The following TPT1 variants were observed in gnomAD, a reference collection of about 807,000 sequenced individuals.
TPT1 encodes the protein tumor protein, translationally-controlled 1.
In TPT1, 5 loss-of-function variants were observed where a neutral mutation model predicts 22.8. That is an observed-to-expected ratio of 0.22 (90% CI 0.11 to 0.46). The LOEUF (loss-of-function observed/expected upper bound fraction) is 0.46, where lower values mean the gene tolerates loss of function less well. Among genes scored for constraint, TPT1 ranks in the 20% least tolerant of loss-of-function variants. The pLI is 0.99. For missense variants in TPT1, 130 were observed against 218.7 expected (o/e 0.59, Z 2.56); for synonymous variants, 89 against 73.6 (o/e 1.21, Z -1.07).
chr13:45,337,527 A>G (rs765881545), intron 5 of TPT1, 139 bp from the exon 6 acceptor site: 23 of 1,613,450 alleles, frequency 1.4e-5, no homozygotes, highest in Non-Finnish European at 1.9e-5. Context: ...ACAGACAGAA[A>G]GCGCAGGGAT....
chr13:45,337,456 A>T, intron 5 of TPT1, 68 bp from the exon 6 acceptor site: 4 of 1,614,160 alleles, frequency 2.5e-6, no homozygotes, highest in South Asian at 1.1e-5. Context: ...TACCATTAAC[A>T]TGCAGCCTAC....
In TPT1 at chr13:45,341,113, A is replaced by G; in HGVS notation, c.-44T>C. On this transcript the variant is annotated 5_prime_UTR_variant, in exon 1 of 6. Coordinates refer to ENST00000530705, the MANE Select transcript of TPT1 (RefSeq NM_003295.4). ...ACGACGACGGCGCTAGCTTAGCACG[A>G]GCCTGAAACTCGGAGCGAGCGCGGT... 1 of 1,609,760 alleles carries G rather than the reference A, an allele frequency of 6.2e-7. No individual in the cohort carries two copies. Among genetic ancestry groups the G allele is most frequent in the Non-Finnish European group, 8.5e-7 (1 of 1,178,050 alleles).
chr13:45,338,362 C>A, intron 5 of TPT1: 1 of 394,726 alleles, frequency 2.5e-6, no homozygotes, highest in Non-Finnish European at 4.4e-6. Context: ...TCAGGTGATG[C>A]ACCCACCTCG....
At position 45,340,561 on chromosome 13, in the gene TPT1, C is replaced by T. The variant is rs1215173442; in HGVS notation, c.102+151G>A. 1.3e-5 allele frequency: 13 copies of T among 980,464 alleles called. No individual in the cohort carries two copies. In the Middle Eastern group the frequency reaches 1.0e-3, roughly 76 times the overall value. 60.7% of individuals were successfully genotyped at this position (980,464 alleles called of 1,614,324 possible). A position where few individuals can be genotyped will look rare whatever the true frequency, so the allele number is the denominator to read the frequency against. ...GGGCCTATTTCCAGGATCAGCTCCG[C>T]CTCCAGTTTTCTAGAAAAACCCAAG... On this transcript the variant is annotated intron_variant, in intron 2 of 5. Transcript: ENST00000530705.
Position 45,336,353 on chromosome 13 carries a change from A to G in TPT1, c.*1033T>C, listed in dbSNP as rs1388455200. The G allele has an allele frequency of 1.3e-5, 2 of 151,380 alleles. No homozygotes were observed. The highest frequency in any genetic ancestry group is 2.4e-5 in the African/African-American group (1 of 41,416). 9.4% of individuals were successfully genotyped at this position (151,380 alleles called of 1,614,324 possible). A position where few individuals can be genotyped will look rare whatever the true frequency, so the allele number is the denominator to read the frequency against. ...ATTCAATCTCAGCTGCCACAATTAG[A>G]CAGACGGAAAGCGCAAGGACATGTT... On this transcript the variant is annotated 3_prime_UTR_variant, in exon 6 of 6. Coordinates refer to ENST00000530705, the MANE Select transcript of TPT1 (RefSeq NM_003295.4).
intron 5 of TPT1, 80 bp downstream of exon 5, chr13:45,338,580 C>T (rs569557287): frequency 6.4e-7 from 1 of 1,560,474 alleles, no homozygotes. Flanking sequence ...AACTCATTCT[C>T]AGTGTCACAA....
rs1045084581 is a variant in TPT1, at chr13:45,334,802, C to T, written c.*2584G>A. 6.6e-6 allele frequency: 1 copy of T among 152,172 alleles called. No individual in the cohort carries two copies. The highest frequency in any genetic ancestry group is 1.5e-5 in the Non-Finnish European group (1 of 68,040). The allele number at this position is 152,172 out of a possible 1,614,324, so 9.4% of individuals were successfully genotyped here. ...GTGGTTTCCTTGAGGTCTGGTCTTC[C>T]TTCCTTGCACACTCCCACTGCTTTA... On this transcript the variant is annotated 3_prime_UTR_variant, in exon 6 of 6. Coordinates refer to ENST00000530705, the MANE Select transcript of TPT1 (RefSeq NM_003295.4).
chr13:45,337,448 C>A, intron 5 of TPT1, 60 bp from the exon 6 acceptor site: 1 of 1,614,114 alleles, frequency 6.2e-7, no homozygotes, highest in South Asian at 1.1e-5. Flanking sequence ...AGTTACATTA[C>A]CATTAACATG....
intron 2 of TPT1, chr13:45,340,472 G>A (rs1879022618): frequency 2.7e-6 from 2 of 739,726 alleles, no homozygotes; most frequent in Non-Finnish European, 4.8e-6. Context: ...AAGGACTCCA[G>A]GCTCCTAAGC....
At chr13:45,340,503 C>T (rs954406674) in intron 2 of TPT1, 3 of 763,192 alleles carry the variant, frequency 3.9e-6, no homozygotes, top group African/African-American at 3.4e-5. Context: ...ATGTCCCGGA[C>T]AACCCCGGGA....
chr13:45,339,973 G>C (rs190614911), intron 3 of TPT1, 21 bp downstream of exon 3: 3 of 1,612,710 alleles, frequency 1.9e-6, no homozygotes, highest in Non-Finnish European at 2.5e-6. Context: ...ACATCAGCTA[G>C]GTACTGCCAG....
At chr13:45,339,871 CATT>C (rs1321141821) in intron 3 of TPT1, 120 bp downstream of exon 3, 19 of 1,107,974 alleles carry the variant, frequency 1.7e-5, no homozygotes, top group Non-Finnish European at 2.4e-5. Flanking sequence ...TCCGTGAACT[CATT>C]AATAAAAAAG....
At chr13:45,340,447 A>G (rs1437742377) in intron 2 of TPT1, 2 of 735,314 alleles carry the variant, frequency 2.7e-6, no homozygotes, top group Non-Finnish European at 4.8e-6. Context: ...GTAAGTGGGG[A>G]CAGGACAAAC....
intron 5 of TPT1, 36 bp downstream of exon 5, chr13:45,338,624 T>A (rs370044375): frequency 1.9e-6 from 3 of 1,600,658 alleles, no homozygotes; most frequent in Non-Finnish European, 2.6e-6. Flanking sequence ...ATGTCTTTTT[T>A]ACATTATTTA....
rs11552478 is a variant in TPT1, at chr13:45,341,160, G to T, written c.-91C>A. On this transcript the variant is annotated 5_prime_UTR_variant, in exon 1 of 6. Transcript: ENST00000530705. ...CGGTGCAGCCGGAGCGGCGCTCGGGGGGAGGGGGGAGCGGGCGGAAAAGGC... is the reference window on the plus strand; with the variant it reads ...CGGTGCAGCCGGAGCGGCGCTCGGGTGGAGGGGGGAGCGGGCGGAAAAGGC... 6 of 1,558,710 alleles carry T rather than the reference G, an allele frequency of 3.8e-6. No individual in the cohort carries two copies. The highest frequency in any genetic ancestry group is 3.7e-5 in the Admixed American group (2 of 54,152).
chr13:45,338,521 C>T, intron 5 of TPT1, 139 bp downstream of exon 5: 1 of 1,435,490 alleles, frequency 7.0e-7, no homozygotes, highest in Non-Finnish European at 9.2e-7. Flanking sequence ...AAACACAATT[C>T]TCTTGATCCC....
At position 45,338,560 on chromosome 13, in the gene TPT1, A is replaced by G. The variant is rs536573504; in HGVS notation, c.516+100T>C. 73 of 1,504,088 alleles carry G rather than the reference A, an allele frequency of 4.9e-5. No homozygotes were observed. In the African/African-American group the frequency reaches 9.5e-4, roughly 20 times the overall value. 93.2% of individuals were successfully genotyped at this position (1,504,088 alleles called of 1,614,324 possible). On this transcript the variant is annotated intron_variant, in intron 5 of 5. Transcript: ENST00000530705. Reference sequence around the variant, plus strand: ...AGAGAAAACTAAAACCATGTTTCAGAACGCTGTAAAACTCATTCTCAGTGT... The same window carrying G: ...AGAGAAAACTAAAACCATGTTTCAGGACGCTGTAAAACTCATTCTCAGTGT...
chr13:45,340,437 G>T (rs771515017), intron 2 of TPT1: 2 of 739,566 alleles, frequency 2.7e-6, no homozygotes, highest in African/African-American at 1.7e-5. Context: ...CCTCCGGTTG[G>T]TAAGTGGGGA....
At chr13:45,338,529 C>T (rs1878867837) in intron 5 of TPT1, 131 bp downstream of exon 5, 3 of 1,441,206 alleles carry the variant, frequency 2.1e-6, no homozygotes, top group South Asian at 1.5e-5. Flanking sequence ...TTCTCTTGAT[C>T]CCCAAAGAGA....
Sources: gnomAD v4.1 joint callset for allele counts on GRCh38, gnomAD v4.1.1 for gene constraint, MANE v1.5 for transcripts, NCBI Gene and HGNC (gene_info 2026-07-23, HGNC 2026-07-21) for gene names.